IFT57: variants seen among roughly 807,000 people sequenced by gnomAD.
The protein encoded by IFT57 is intraflagellar transport 57, also known as intraflagellar transport protein 57 homolog.
IFT57 carries 59 observed loss-of-function variants against 56.8 expected under a neutral mutation model. The ratio of observed to expected loss-of-function variants is 1.04; its 90% CI spans 0.84 to 1.29. IFT57 has a LOEUF of 1.29. Ranked by LOEUF, IFT57 falls within the 50% of genes most tolerant of loss-of-function variation. The probability of loss-of-function intolerance (pLI) is 0.00; values close to 1 mark genes in which losing one functional copy is unlikely to be tolerated. For synonymous variants in IFT57, 209 were observed against 186.1 expected (o/e 1.12, Z -1.00); for missense variants, 470 against 522.1 (o/e 0.90, Z 0.97).
Position 108,162,257 on chromosome 3 carries a change from G to C in IFT57, c.*220C>G, listed in dbSNP as rs1203850309. 3 of 385,330 alleles carry C rather than the reference G, an allele frequency of 7.8e-6. No homozygotes were observed. The highest frequency in any genetic ancestry group is 1.4e-5 in the Non-Finnish European group (3 of 216,582). The allele number at this position is 385,330 out of a possible 1,614,324, so 23.9% of individuals were successfully genotyped here. ...GGAGCTTTAACATAGGTAATGATTA[G>C]TGAAAGCTTCTTAGAAAGTGAGAAT... On this transcript the variant is annotated 3_prime_UTR_variant, in exon 11 of 11. Transcript: ENST00000264538.
Position 108,161,481 on chromosome 3 carries a change from G to C in IFT57, c.*996C>G, listed in dbSNP as rs1361915546. ...ATAACTTTTTAAAATTATTTTTGTT[G>C]TCCTAAACATAAAGCATTCTTATCA... On this transcript the variant is annotated 3_prime_UTR_variant, in exon 11 of 11. Coordinates refer to ENST00000264538, the MANE Select transcript of IFT57 (RefSeq NM_018010.4). 6.6e-6 allele frequency: 1 copy of C among 151,682 alleles called. No homozygotes were observed. 9.4% of individuals were successfully genotyped at this position (151,682 alleles called of 1,614,324 possible). A position where few individuals can be genotyped will look rare whatever the true frequency, so the allele number is the denominator to read the frequency against.
chr3:108,181,336 C>T (rs1035280310), intron 6 of IFT57, among the ~76,000 whole-genome samples: 13 of 152,070 alleles, frequency 8.5e-5, no homozygotes, highest in Admixed American at 7.2e-4. Flanking sequence ...ATTCCCACAA[C>T]TCTGATACCT....
intron 6 of IFT57, among the ~76,000 whole-genome samples, chr3:108,175,677 C>T (rs1241085362): frequency 2.0e-5 from 3 of 151,846 alleles, no homozygotes; most frequent in Non-Finnish European, 4.4e-5. Context: ...ATGCTTAAAG[C>T]TTCTCTCTGA....
In IFT57 at chr3:108,163,711, T is replaced by C; in HGVS notation, c.1063A>G (p.Lys355Glu). The change falls in exon 10 of 11, where the codon AAG (lysine) becomes GAG (glutamate). Residue 355 changes from lysine to glutamate, a missense_variant. Coordinates refer to ENST00000264538, the MANE Select transcript of IFT57 (RefSeq NM_018010.4). ...LLSEVMEELE[K>E]VKQEMEEKGS... ...TTTTCTTCCATTTCTTGTTTTACCTTTTCTAATTCTTCCATAACCTTTCAT... is the reference window on the plus strand; with the variant it reads ...TTTTCTTCCATTTCTTGTTTTACCTCTTCTAATTCTTCCATAACCTTTCAT... The C allele has an allele frequency of 6.2e-7, 1 of 1,609,390 alleles. No individual in the cohort carries two copies. Among genetic ancestry groups the C allele is most frequent in the Non-Finnish European group, 8.5e-7 (1 of 1,176,424 alleles).
At chr3:108,220,819 G>A (rs2080402295) in intron 1 of IFT57, among the ~76,000 whole-genome samples, 1 of 152,076 alleles carries the variant, frequency 6.6e-6, no homozygotes, top group African/African-American at 2.4e-5. Flanking sequence ...TGTTGGTCTG[G>A]TGATCACATT....
chr3:108,196,415 C>G (rs2080244814), intron 5 of IFT57, among the ~76,000 whole-genome samples: 1 of 152,140 alleles, frequency 6.6e-6, no homozygotes, highest in Admixed American at 6.6e-5. Flanking sequence ...AAATGTTTTA[C>G]TGAAGGAAGG....
At chr3:108,221,608 A>C (rs2080405690) in intron 1 of IFT57, among the ~76,000 whole-genome samples, 2 of 152,226 alleles carry the variant, frequency 1.3e-5, no homozygotes, top group Admixed American at 6.5e-5. Context: ...GCTCCTTAAC[A>C]GGATCCTAAG....
intron 6 of IFT57, among the ~76,000 whole-genome samples, chr3:108,175,031 T>C (rs1010936014): frequency 6.6e-6 from 1 of 151,844 alleles, no homozygotes; most frequent in Non-Finnish European, 1.5e-5. Flanking sequence ...GTCTGAAAAA[T>C]GCAAAGCAAT....
chr3:108,162,671 A>G lies in IFT57; in HGVS notation c.1112-16T>C. The G allele has an allele frequency of 6.4e-7, 1 of 1,561,018 alleles. No homozygotes were observed. Among genetic ancestry groups the G allele is most frequent in the Admixed American group, 1.9e-5 (1 of 54,046 alleles). ...ACCAAAGGAGCTGCAGAATGAAAAT[A>G]ACATGAAATAAAAATGTTCATTTGG... On this transcript the variant is annotated splice_polypyrimidine_tract_variant and intron_variant, in intron 10 of 10. Coordinates refer to ENST00000264538, the MANE Select transcript of IFT57 (RefSeq NM_018010.4).
chr3:108,192,547 G>A (rs1174301717), intron 5 of IFT57, among the ~76,000 whole-genome samples: 2 of 151,894 alleles, frequency 1.3e-5, no homozygotes, highest in African/African-American at 4.8e-5. Flanking sequence ...GAATAATGTA[G>A]ATTAATGATT....
Position 108,162,528 on chromosome 3 carries a change from A to C in IFT57, c.1239T>G (p.Thr413=). The C allele has an allele frequency of 1.2e-6, 2 of 1,611,884 alleles. No individual in the cohort carries two copies. The highest frequency in any genetic ancestry group is 1.7e-6 in the Non-Finnish European group (2 of 1,178,544). Reference sequence around the variant, plus strand: ...GAATAACTGTGGCATGCATGTTCCTAGTCATGTTGGACTTCTCCTTCAGCT... The same window carrying C: ...GAATAACTGTGGCATGCATGTTCCTCGTCATGTTGGACTTCTCCTTCAGCT... ...QSKLKEKSNM[T]RNMHATVIPE... is the part of the protein sequence containing the mutation. Residue 413 remains threonine (T), a synonymous_variant, in exon 11 of 11, where the codon ACT becomes ACG. Transcript: ENST00000264538.
rs1135937 is a variant in IFT57 at position 108,162,291 on chromosome 3, T to A, written c.*186A>T. 0.096 allele frequency: 40,216 copies of A among 418,818 alleles called. 2,080 individuals are homozygous for A. The highest frequency in any genetic ancestry group is 0.11 in the Middle Eastern group (179 of 1,660). 25.9% of individuals were successfully genotyped at this position (418,818 alleles called of 1,614,324 possible). A position where few individuals can be genotyped will look rare whatever the true frequency, so the allele number is the denominator to read the frequency against. On this transcript the variant is annotated 3_prime_UTR_variant, in exon 11 of 11. Coordinates refer to ENST00000264538, the MANE Select transcript of IFT57 (RefSeq NM_018010.4). ...TCTTAGAAAGTGAGAATTTGTAATT[T>A]CTTTATTAAACATTACATTCAGTGT... is the stretch of plus-strand genomic sequence containing the variant.
intron 1 of IFT57, 118 bp from the exon 2 acceptor site, chr3:108,219,690 C>CAA: frequency 1.0e-6 from 1 of 991,728 alleles, no homozygotes; most frequent in Non-Finnish European, 1.5e-6. Flanking sequence ...AAATGGCCAT[C>CAA]AAAAGACCTC....
intron 6 of IFT57, among the ~76,000 whole-genome samples, chr3:108,175,825 T>C (rs2080120932): frequency 6.6e-6 from 1 of 151,690 alleles, no homozygotes. Context: ...AGTTTGACTT[T>C]GCGAGTGGAG....
At chr3:108,204,226 C>T (rs1401044739) in intron 5 of IFT57, among the ~76,000 whole-genome samples, 1 of 152,170 alleles carries the variant, frequency 6.6e-6, no homozygotes, top group African/African-American at 2.4e-5. Flanking sequence ...CTCATTAGTA[C>T]TCCATGGTTG....
At chr3:108,173,392 A>C (rs529373888) in intron 6 of IFT57, among the ~76,000 whole-genome samples, 1 of 151,896 alleles carries the variant, frequency 6.6e-6, no homozygotes, top group Non-Finnish European at 1.5e-5. Context: ...TGTGTTTATT[A>C]TTGGGCTTCA....
intron 4 of IFT57, among the ~76,000 whole-genome samples, chr3:108,208,043 A>C (rs2080322960): frequency 6.9e-6 from 1 of 144,218 alleles, no homozygotes; most frequent in Admixed American, 6.8e-5. Context: ...ACTCCGTCTC[A>C]AAAGAAAAAA....
intron 8 of IFT57, 46 bp downstream of exon 8, chr3:108,166,808 A>G (rs994766575): frequency 1.3e-6 from 2 of 1,550,900 alleles, no homozygotes; most frequent in Non-Finnish European, 1.8e-6. Flanking sequence ...TTTAGGGTTT[A>G]GGGTTGTTAA....
chr3:108,180,727 CTAATA>C (rs2080147260), intron 6 of IFT57, among the ~76,000 whole-genome samples: 1 of 151,866 alleles, frequency 6.6e-6, no homozygotes, highest in African/African-American at 2.4e-5. Context: ...TAGAACTACT[CTAATA>C]TAATTGATTA....
Sources: allele counts gnomAD v4.1 joint callset (sites outside exome capture counted in the v4.1 genomes callset), GRCh38; gene constraint gnomAD v4.1.1; transcripts MANE v1.5; gene names NCBI Gene and HGNC (gene_info 2026-07-23, HGNC 2026-07-21).